The following DNM3 variants were observed in gnomAD, a reference collection of about 807,000 sequenced individuals.
DNM3 encodes the protein dynamin-3.
In DNM3, 47 loss-of-function variants were observed where a neutral mutation model predicts 101.6. That is an observed-to-expected ratio of 0.46 (90% CI 0.37 to 0.59). DNM3 has a LOEUF of 0.59. DNM3 is among the 20% of genes least tolerant of loss of function. DNM3 has a pLI of 0.00. For missense variants in DNM3, 849 were observed against 1,085.7 expected (o/e 0.78, Z 3.06); for synonymous variants, 385 against 387.9 (o/e 0.99, Z 0.09).
At chr1:171,985,795 C>A (rs1220670730) in intron 2 of DNM3, among the ~76,000 whole-genome samples, 2 of 152,124 alleles carry the variant, frequency 1.3e-5, no homozygotes, top group Non-Finnish European at 2.9e-5. Flanking sequence ...ACCTTTCCAG[C>A]CAGAGTGGCT....
At chr1:172,324,152 G>A (rs931679159) in intron 17 of DNM3, among the ~76,000 whole-genome samples, 5 of 152,230 alleles carry the variant, frequency 3.3e-5, no homozygotes, top group South Asian at 4.1e-4. Flanking sequence ...ATGGTCTTAC[G>A]TTTAGTTGGG....
intron 14 of DNM3, among the ~76,000 whole-genome samples, chr1:172,153,459 A>G (rs2058217298): frequency 6.6e-6 from 1 of 152,156 alleles, no homozygotes; most frequent in South Asian, 2.1e-4. Flanking sequence ...AATTTCCCAT[A>G]CTTCAATATA....
At chr1:171,935,005 G>A (rs1326253701) in intron 2 of DNM3, among the ~76,000 whole-genome samples, 7 of 152,072 alleles carry the variant, frequency 4.6e-5, no homozygotes, top group African/African-American at 9.7e-5. Flanking sequence ...ATCCAAAGCC[G>A]CACTGTTGGT....
chr1:172,023,680 T>A (rs1211177399), intron 4 of DNM3, among the ~76,000 whole-genome samples: 1 of 152,102 alleles, frequency 6.6e-6, no homozygotes, highest in East Asian at 1.9e-4. Context: ...TGTTTGGCAC[T>A]TGTTGAGTTT....
At chr1:171,998,949 G>C (rs1302574659) in intron 4 of DNM3, among the ~76,000 whole-genome samples, 3 of 152,090 alleles carry the variant, frequency 2.0e-5, no homozygotes, top group African/African-American at 7.2e-5. Flanking sequence ...AGTGTGGTTG[G>C]TTCTGCAATC....
intron 20 of DNM3, among the ~76,000 whole-genome samples, chr1:172,405,098 T>C (rs2070778434): frequency 6.6e-6 from 1 of 152,054 alleles, no homozygotes; most frequent in Non-Finnish European, 1.5e-5. Context: ...AAGTGTAGCA[T>C]CCTTGGCCTC....
chr1:172,233,317 A>G (rs1436064684), intron 14 of DNM3, among the ~76,000 whole-genome samples: 2 of 152,316 alleles, frequency 1.3e-5, no homozygotes, highest in South Asian at 2.1e-4. Flanking sequence ...CTGGACACAT[A>G]CACCCTCAGA....
At chr1:172,381,687 G>A (rs766322037) in intron 18 of DNM3, among the ~76,000 whole-genome samples, 1 of 152,062 alleles carries the variant, frequency 6.6e-6, no homozygotes, top group Non-Finnish European at 1.5e-5. Context: ...CCATCTAGAT[G>A]TATTGATTTT....
intron 14 of DNM3, among the ~76,000 whole-genome samples, chr1:172,165,657 A>C (rs981862686): frequency 8.5e-5 from 13 of 152,110 alleles, no homozygotes; most frequent in Non-Finnish European, 1.6e-4. Context: ...GAACATTTAA[A>C]TTCTTACTTC....
At chr1:172,304,155 C>T (rs2064635128) in intron 15 of DNM3, among the ~76,000 whole-genome samples, 1 of 141,484 alleles carries the variant, frequency 7.1e-6, no homozygotes. Flanking sequence ...CAGAGACACA[C>T]ATAGGCTCAA....
Position 171,989,069 on chromosome 1 carries a change from G to T in DNM3, c.510G>T (p.Leu170=). The change falls in exon 4 of 21, where the codon CTG becomes CTT. Residue 170 remains leucine (L), a synonymous_variant. Transcript: ENST00000627582. The part of the protein sequence containing the change: ...IMQFITRENC[L]ILAVTPANTD... ...AGTTCATCACGAGGGAGAACTGTCTGATTTTAGCTGTTACTCCAGCCAACA... is the reference window on the plus strand; with the variant it reads ...AGTTCATCACGAGGGAGAACTGTCTTATTTTAGCTGTTACTCCAGCCAACA... The T allele has an allele frequency of 6.2e-7, 1 of 1,613,096 alleles. No individual in the cohort carries two copies. Among genetic ancestry groups the T allele is most frequent in the Non-Finnish European group, 8.5e-7 (1 of 1,179,470 alleles).
At position 172,410,318 on chromosome 1, in the gene DNM3, T is replaced by C; in HGVS notation, c.*2477T>C. Reference sequence around the variant, plus strand: ...CACACCAGGCCTTAAGATGGGAATGTAGCTTAATGATTTTCTGTTTCCCAT... The same window carrying C: ...CACACCAGGCCTTAAGATGGGAATGCAGCTTAATGATTTTCTGTTTCCCAT... On this transcript the variant is annotated 3_prime_UTR_variant, in exon 21 of 21. Coordinates refer to ENST00000627582, the MANE Select transcript of DNM3 (RefSeq NM_015569.5). The C allele has an allele frequency of 1.0e-6, 1 of 985,356 alleles. No individual in the cohort carries two copies. 61.0% of individuals were successfully genotyped at this position (985,356 alleles called of 1,614,324 possible).
rs573223157 is a variant in DNM3, at chr1:172,333,849, C to A, written c.1893+10509C>A. ...AGACCAGCTTTGCATAATGACAACA[C>A]ACATTCTTCAACATAAAATATTATT... On this transcript the variant is annotated intron_variant, in intron 17 of 20. Coordinates refer to ENST00000627582, the MANE Select transcript of DNM3 (RefSeq NM_015569.5). Among the ~76,000 whole-genome samples, 10 of 152,232 alleles carry A rather than the reference C, an allele frequency of 6.6e-5. No individual in the cohort carries two copies. In the South Asian group the frequency reaches 8.3e-4, roughly 13 times the overall value.
chr1:172,397,642 A>C (rs1290291543), intron 20 of DNM3, among the ~76,000 whole-genome samples: 1 of 152,228 alleles, frequency 6.6e-6, no homozygotes, highest in African/African-American at 2.4e-5. Flanking sequence ...TCATACTTAC[A>C]TTGAAAATTC....
At chr1:172,297,595 T>G (rs1221989067) in intron 15 of DNM3, among the ~76,000 whole-genome samples, 1 of 152,162 alleles carries the variant, frequency 6.6e-6, no homozygotes, top group Non-Finnish European at 1.5e-5. Context: ...CAACCTTCTT[T>G]TCTAAATGAT....
At chr1:172,174,587 T>C (rs2059086906) in intron 14 of DNM3, among the ~76,000 whole-genome samples, 1 of 151,706 alleles carries the variant, frequency 6.6e-6, no homozygotes, top group Admixed American at 6.6e-5. Context: ...GTGTTAGAGT[T>C]GGTGTTGTGC....
At chr1:171,860,171 T>C (rs1171959375) in intron 1 of DNM3, among the ~76,000 whole-genome samples, 1 of 152,164 alleles carries the variant, frequency 6.6e-6, no homozygotes, top group Non-Finnish European at 1.5e-5. Context: ...CCCATGTAGC[T>C]ATTATAACTA....
intron 15 of DNM3, among the ~76,000 whole-genome samples, chr1:172,296,647 C>T (rs1053130687): frequency 9.9e-5 from 15 of 152,206 alleles, no homozygotes; most frequent in Non-Finnish European, 1.5e-5. Flanking sequence ...TCACACCTCC[C>T]TTTCCAATTA....
At chr1:172,379,847 G>A (rs1381637193) in intron 18 of DNM3, among the ~76,000 whole-genome samples, 1 of 151,790 alleles carries the variant, frequency 6.6e-6, no homozygotes, top group African/African-American at 2.4e-5. Flanking sequence ...TAGTTCTTTT[G>A]GTAGTTAACT....
Sources: gnomAD v4.1 joint callset for allele counts (sites outside exome capture counted in the v4.1 genomes callset) on GRCh38, gnomAD v4.1.1 for gene constraint, MANE v1.5 for transcripts, NCBI Gene and HGNC (gene_info 2026-07-23, HGNC 2026-07-21) for gene names.